The following TMEM154 variants were observed in gnomAD, a reference collection of about 807,000 sequenced individuals.
The protein encoded by TMEM154 is transmembrane protein 154.
TMEM154 carries 27 observed loss-of-function variants against 24.5 expected under a neutral mutation model. That is an observed-to-expected ratio of 1.10 (90% confidence interval 0.81 to 1.52). TMEM154 has a LOEUF of 1.52. Ranked by LOEUF, TMEM154 falls within the 40% of genes most tolerant of loss-of-function variation. The probability of loss-of-function intolerance (pLI) is 0.00; values close to 1 mark genes in which losing one functional copy is unlikely to be tolerated. For missense variants in TMEM154, 228 were observed against 213.4 expected (o/e 1.07, Z -0.43); for synonymous variants, 67 against 76.8 (o/e 0.87, Z 0.67).
intron 6 of TMEM154, among the ~76,000 whole-genome samples, chr4:152,639,131 A>C (rs1320746635): frequency 3.9e-5 from 6 of 152,050 alleles, no homozygotes; most frequent in African/African-American, 7.2e-5. Context: ...TTGTATTTTT[A>C]GTAGAGATGG....
At position 152,679,960 on chromosome 4, in the gene TMEM154, T is replaced by C. The variant is rs1729031622; in HGVS notation, c.-27A>G. On this transcript the variant is annotated 5_prime_UTR_variant, in exon 1 of 7. Transcript: ENST00000304385. ...TCCGCTCGCCTCGGCAGAGGCGCGC[T>C]CAGGATGCTGCGCCGGGCTGCAGCC... 1 of 1,587,680 alleles carries C rather than the reference T, an allele frequency of 6.3e-7. No homozygotes were observed. Among genetic ancestry groups the C allele is most frequent in the Non-Finnish European group, 8.6e-7 (1 of 1,163,604 alleles).
chr4:152,661,284 T>TTCTCTCTTTCTCTCTCTCTCTC (rs1728596382), intron 1 of TMEM154, among the ~76,000 whole-genome samples: 2 of 63,454 alleles, frequency 3.2e-5, no homozygotes, highest in Admixed American at 2.2e-4. Context: ...ATTGTTCTCT[T>TTCTCTCTTTCTCTCTCTCTCTC]TCTCTCTCTC....
intron 1 of TMEM154, among the ~76,000 whole-genome samples, chr4:152,676,649 T>C (rs1284416187): frequency 6.6e-6 from 1 of 152,196 alleles, no homozygotes; most frequent in Non-Finnish European, 1.5e-5. Flanking sequence ...ATACTTGAAA[T>C]TGGGACTGTC....
chr4:152,636,071 C>T (rs1384467741), intron 6 of TMEM154, among the ~76,000 whole-genome samples: 1 of 152,106 alleles, frequency 6.6e-6, no homozygotes. Context: ...AAGAGGCTGG[C>T]TAGATTGGAA....
intron 6 of TMEM154, among the ~76,000 whole-genome samples, chr4:152,637,907 A>C (rs1309941027): frequency 1.3e-5 from 2 of 152,252 alleles, no homozygotes; most frequent in Non-Finnish European, 2.9e-5. Flanking sequence ...AGAAATGTAC[A>C]TAAAATTATG....
intron 3 of TMEM154, among the ~76,000 whole-genome samples, chr4:152,644,699 C>T (rs1214288609): frequency 4.6e-5 from 7 of 152,120 alleles, no homozygotes; most frequent in African/African-American, 9.7e-5. Context: ...GATGTTCATC[C>T]GTCTTTATTT....
intron 3 of TMEM154, chr4:152,647,020 G>A (rs751670947): frequency 6.4e-5 from 47 of 733,764 alleles, no homozygotes; most frequent in Non-Finnish European, 8.7e-5. Context: ...AGAACATCAC[G>A]TTACTACATC....
intron 1 of TMEM154, among the ~76,000 whole-genome samples, chr4:152,658,831 G>A (rs938374482): frequency 6.6e-6 from 1 of 150,628 alleles, no homozygotes; most frequent in African/African-American, 2.4e-5. Flanking sequence ...AAAAAAAAAG[G>A]TTATTGTTGA....
At position 152,665,788 on chromosome 4, in the gene TMEM154, C is replaced by CTT. The variant is rs560197111; in HGVS notation, c.65-12863_65-12862dup. 2.2e-3 allele frequency among the ~76,000 whole-genome samples: 279 copies of CTT among 127,112 alleles called. 2 individuals carry two copies. Among genetic ancestry groups the CTT allele is most frequent in the African/African-American group, 6.9e-3 (235 of 33,834 alleles). 83.4% of individuals were successfully genotyped at this position (127,112 alleles called of 152,430 possible). ...GTCTGGGAGGGGGCCCAAGAATTTGCTTTTTTTTTTTTTTTTTGAGACAGG... is the reference window on the plus strand; with the variant it reads ...GTCTGGGAGGGGGCCCAAGAATTTGCTTTTTTTTTTTTTTTTTTTGAGACAGG... On this transcript the variant is annotated intron_variant, in intron 1 of 6. Transcript: ENST00000304385.
chr4:152,650,092 G>GTGGTGGTTGC (rs1728344223), intron 3 of TMEM154, among the ~76,000 whole-genome samples: 1 of 152,188 alleles, frequency 6.6e-6, no homozygotes, highest in Admixed American at 6.5e-5. Context: ...ACTGATCAGG[G>GTGGTGGTTGC]TGGTGGTTGC....
At chr4:152,646,313 T>TGCAC in intron 3 of TMEM154, among the ~76,000 whole-genome samples, 1 of 152,274 alleles carries the variant, frequency 6.6e-6, no homozygotes, top group East Asian at 1.9e-4. Flanking sequence ...GTGCTCCAGA[T>TGCAC]GCACCAAATG....
chr4:152,648,852 G>A (rs561429193), intron 3 of TMEM154, among the ~76,000 whole-genome samples: 18 of 152,290 alleles, frequency 1.2e-4, no homozygotes, highest in Admixed American at 9.1e-4. Flanking sequence ...AACCAGTCAT[G>A]GTTTGGGGAA....
chr4:152,631,792 CCTTTT>C (rs1752048009), intron 6 of TMEM154, among the ~76,000 whole-genome samples: 1 of 131,462 alleles, frequency 7.6e-6, no homozygotes, highest in East Asian at 2.2e-4. Flanking sequence ...AATCTATCCC[CCTTTT>C]TTTTTTTTTT....
rs898386879 is a variant in TMEM154 at position 152,625,535 on chromosome 4, T to G, written c.*3011A>C. ...CCCATCTCTACTAAAAATACAAAAA[T>G]TAGCTGGGCATAGTGACACAGGCCT... On this transcript the variant is annotated 3_prime_UTR_variant, in exon 7 of 7. Coordinates refer to ENST00000304385, the MANE Select transcript of TMEM154 (RefSeq NM_152680.3). 6.6e-6 allele frequency: 1 copy of G among 151,354 alleles called. No individual in the cohort carries two copies. Among genetic ancestry groups the G allele is most frequent in the African/African-American group, 2.4e-5 (1 of 41,122 alleles). 9.4% of individuals were successfully genotyped at this position (151,354 alleles called of 1,614,324 possible). A position where few individuals can be genotyped will look rare whatever the true frequency, so the allele number is the denominator to read the frequency against.
chr4:152,632,405 C>T (rs1243939786), intron 6 of TMEM154, among the ~76,000 whole-genome samples: 1 of 152,196 alleles, frequency 6.6e-6, no homozygotes, highest in Non-Finnish European at 1.5e-5. Context: ...GCATGACACG[C>T]TCCCTGTGAA....
At chr4:152,674,789 G>A (rs1466879580) in intron 1 of TMEM154, among the ~76,000 whole-genome samples, 5 of 152,128 alleles carry the variant, frequency 3.3e-5, no homozygotes. Context: ...ATAATTTGGG[G>A]TTCTGTTAAG....
At position 152,628,534 on chromosome 4, in the gene TMEM154, C is replaced by T. The variant is rs183698300; in HGVS notation, c.*12G>A. 64 of 1,256,638 alleles carry T rather than the reference C, an allele frequency of 5.1e-5. No homozygotes were observed. Among genetic ancestry groups the T allele is most frequent in the Middle Eastern group, 5.2e-4 (2 of 3,826 alleles). The allele number at this position is 1,256,638 out of a possible 1,614,324, so 77.8% of individuals were successfully genotyped here. On this transcript the variant is annotated 3_prime_UTR_variant, in exon 7 of 7. Transcript: ENST00000304385. The stretch of plus-strand genomic sequence containing the variant: ...GGCTGCTTCTCTTGGAAAACATGAG[C>T]GCCATTCAGGTTTAGGATTCACTGT...
At chr4:152,661,341 T>TCTCTCTCTCC (rs1554013049) in intron 1 of TMEM154, among the ~76,000 whole-genome samples, 15 of 109,232 alleles carry the variant, frequency 1.4e-4, no homozygotes, top group African/African-American at 4.1e-4. Flanking sequence ...TCTCTCTCTC[T>TCTCTCTCTCC]CCCCCCAACT....
Position 152,628,346 on chromosome 4 carries a change from T to C in TMEM154, c.*200A>G, listed in dbSNP as rs1196975946. ...GGATGGCAGCCAGGCCTTTTCCTAG[T>C]ACTTCTCAATTGCACATTCTTCCAA... On this transcript the variant is annotated 3_prime_UTR_variant, in exon 7 of 7. Coordinates refer to ENST00000304385, the MANE Select transcript of TMEM154 (RefSeq NM_152680.3). 2.2e-6 allele frequency: 2 copies of C among 899,568 alleles called. No homozygotes were observed. Among genetic ancestry groups the C allele is most frequent in the African/African-American group, 1.7e-5 (1 of 59,488 alleles). 55.7% of individuals were successfully genotyped at this position (899,568 alleles called of 1,614,324 possible). A position where few individuals can be genotyped will look rare whatever the true frequency, so the allele number is the denominator to read the frequency against.
Sources: allele counts gnomAD v4.1 joint callset (sites outside exome capture counted in the v4.1 genomes callset), GRCh38; gene constraint gnomAD v4.1.1; transcripts MANE v1.5; gene names NCBI Gene and HGNC (gene_info 2026-07-23, HGNC 2026-07-21).